The following SH3TC2 variants were observed in gnomAD, a reference collection of about 807,000 sequenced individuals.
SH3TC2 encodes the protein SH3 domain and tetratricopeptide repeat-containing protein 2.
SH3TC2 carries 87 observed loss-of-function variants against 124.5 expected under a neutral mutation model. That is an observed-to-expected ratio of 0.70 (90% CI 0.59 to 0.84). The LOEUF is 0.84. Among genes scored for constraint, SH3TC2 ranks in the 40% least tolerant of loss-of-function variants. The probability of loss-of-function intolerance (pLI) is 0.00; values close to 1 mark genes in which losing one functional copy is unlikely to be tolerated. For missense variants in SH3TC2, 1,536 were observed against 1,566.4 expected, an observed-to-expected ratio of 0.98 and a Z score of 0.33; for synonymous variants, 634 against 628.5, an observed-to-expected ratio of 1.01 and a Z score of -0.13.
At position 148,990,008 on chromosome 5, in the gene SH3TC2, G is replaced by A. The variant is rs1378727870; in HGVS notation, c.*14703C>T. Among the ~76,000 whole-genome samples the A allele has an allele frequency of 6.6e-6, 1 of 152,012 alleles. No homozygotes were observed. Among genetic ancestry groups the A allele is most frequent in the Admixed American group, 6.6e-5 (1 of 15,252 alleles). ...GGGGTGGGGGCTGCTTCTTTTCTAG[G>A]AGTCATTTCCAAGCAACCTCTCCTC... On this transcript the variant is annotated 3_prime_UTR_variant, in exon 17 of 17. Coordinates refer to ENST00000515425, the MANE Select transcript of SH3TC2 (RefSeq NM_024577.4).
At position 148,990,857 on chromosome 5, in the gene SH3TC2, C is replaced by A. The variant is rs571540820; in HGVS notation, c.*13854G>T. ...GTTAAGTATTCTAAGTACATTATCTCTTTTAATTTTCACAGCAATTCTATA... is the reference window on the plus strand; with the variant it reads ...GTTAAGTATTCTAAGTACATTATCTATTTTAATTTTCACAGCAATTCTATA... On this transcript the variant is annotated 3_prime_UTR_variant, in exon 17 of 17. Coordinates refer to ENST00000515425, the MANE Select transcript of SH3TC2 (RefSeq NM_024577.4). Among the ~76,000 whole-genome samples, 1 of 152,204 alleles carries A rather than the reference C, an allele frequency of 6.6e-6. No individual in the cohort carries two copies. Among genetic ancestry groups the A allele is most frequent in the Non-Finnish European group, 1.5e-5 (1 of 68,042 alleles).
In SH3TC2 at chr5:149,002,242, A is replaced by G. The variant is rs1178940060; in HGVS notation, c.*2469T>C. ...AGGGCTGTGTGAGCCTTCTTCAAAT[A>G]CACGATATGTAACTGTTCTGGAATG... On this transcript the variant is annotated 3_prime_UTR_variant, in exon 17 of 17. Transcript: ENST00000515425. 2 of 152,696 alleles carry G rather than the reference A, an allele frequency of 1.3e-5. No individual in the cohort carries two copies. The highest frequency in any genetic ancestry group is 4.8e-5 in the African/African-American group (2 of 41,438). 9.5% of individuals were successfully genotyped at this position (152,696 alleles called of 1,614,324 possible).
intron 12 of SH3TC2, among the ~76,000 whole-genome samples, chr5:149,023,981 C>T (rs1754022084): frequency 6.6e-6 from 1 of 152,044 alleles, no homozygotes; most frequent in Non-Finnish European, 1.5e-5. Flanking sequence ...GAGGAGAATC[C>T]TTAAGAAAAG....
Position 148,992,600 on chromosome 5 carries a change from G to GT in SH3TC2, c.*12110dup, listed in dbSNP as rs35182601. Reference sequence around the variant, plus strand: ...ATAATTCCAAGAAGAGATTTCATTGGTTTTTTTTTTTTTTTTTTTTTTCAG... The same window carrying GT: ...ATAATTCCAAGAAGAGATTTCATTGGTTTTTTTTTTTTTTTTTTTTTTTCAG... On this transcript the variant is annotated 3_prime_UTR_variant, in exon 17 of 17. Transcript: ENST00000515425. 0.25 allele frequency among the ~76,000 whole-genome samples: 25,765 copies of GT among 101,906 alleles called. 3,379 individuals are homozygous for GT. The highest frequency in any genetic ancestry group is 0.32 in the East Asian group (915 of 2,842). The allele number at this position is 101,906 out of a possible 152,430, so 66.9% of individuals were successfully genotyped here.
intron 8 of SH3TC2, among the ~76,000 whole-genome samples, chr5:149,033,858 G>C (rs1266318623): frequency 1.3e-5 from 2 of 152,074 alleles, no homozygotes; most frequent in Non-Finnish European, 1.5e-5. Flanking sequence ...ACTCCCTAAG[G>C]TTCCAGGAGA....
In SH3TC2 at chr5:149,021,882, T is replaced by C. The variant is rs1753977539; in HGVS notation, c.3053+4690A>G. Among the ~76,000 whole-genome samples, 4 of 55,300 alleles carry C rather than the reference T, an allele frequency of 7.2e-5. 1 individual carries two copies. Among genetic ancestry groups the C allele is most frequent in the Admixed American group, 2.3e-4 (1 of 4,314 alleles). 36.3% of individuals were successfully genotyped at this position (55,300 alleles called of 152,430 possible). On this transcript the variant is annotated intron_variant, in intron 12 of 16. Coordinates refer to ENST00000515425, the MANE Select transcript of SH3TC2 (RefSeq NM_024577.4). Reference sequence around the variant, plus strand: ...TTAACACCAATCCTTCACAAACTCTTTCTTTTTTTTTTTTTTTTTTTTTTT... The same window carrying C: ...TTAACACCAATCCTTCACAAACTCTCTCTTTTTTTTTTTTTTTTTTTTTTT...
chr5:149,031,804 C>A, intron 8 of SH3TC2, 117 bp from the exon 9 acceptor site: 1 of 1,386,348 alleles, frequency 7.2e-7, no homozygotes, highest in East Asian at 2.3e-5. Flanking sequence ...ACCAACTTCC[C>A]GCAAATGAAA....
rs369828766 is a variant in SH3TC2, at chr5:148,992,898, A to G, written c.*11813T>C. The stretch of plus-strand genomic sequence containing the variant: ...TTTGGGTATGGCTTGGAAAATCATC[A>G]TGCTTCACATATATCATTGACTTTA... On this transcript the variant is annotated 3_prime_UTR_variant, in exon 17 of 17. Coordinates refer to ENST00000515425, the MANE Select transcript of SH3TC2 (RefSeq NM_024577.4). Among the ~76,000 whole-genome samples the G allele has an allele frequency of 6.9e-4, 105 of 152,274 alleles. 1 individual carries two copies. The East Asian group carries it at 0.02, about 29-fold the overall frequency.
At chr5:149,056,135 G>C (rs980080924) in intron 1 of SH3TC2, among the ~76,000 whole-genome samples, 1 of 151,414 alleles carries the variant, frequency 6.6e-6, no homozygotes, top group African/African-American at 2.4e-5. Context: ...TTTAGGTTTC[G>C]GGGTACATGT....
intron 7 of SH3TC2, 36 bp from the exon 8 acceptor site, chr5:149,038,526 C>A: frequency 6.2e-7 from 1 of 1,606,668 alleles, no homozygotes; most frequent in Non-Finnish European, 8.5e-7. Context: ...CTACAGAAGA[C>A]ATGAACAGCT....
chr5:149,016,640 C>G (rs1046513901), intron 12 of SH3TC2, among the ~76,000 whole-genome samples: 3 of 152,114 alleles, frequency 2.0e-5, no homozygotes, highest in Non-Finnish European at 4.4e-5. Context: ...GAATAAAAGC[C>G]AGACGGCTGG....
chr5:149,027,737 G>A lies in SH3TC2; in HGVS notation c.1995C>T (p.His665=), dbSNP rs751912297. The A allele has an allele frequency of 4.3e-6, 7 of 1,614,002 alleles. No homozygotes were observed. The highest frequency in any genetic ancestry group is 5.9e-6 in the Non-Finnish European group (7 of 1,179,938). ...TGGCCACAGCCTCAGAGGCAGGAGG[G>A]TGTCCAGAGAGGAGCTGCAGGCGCT... ...FAERLQLLSG[H]PPASEAVASV... The change falls in exon 11 of 17, where the codon CAC becomes CAT. Residue 665 remains histidine (H), a synonymous_variant. Coordinates refer to ENST00000515425, the MANE Select transcript of SH3TC2 (RefSeq NM_024577.4).
chr5:149,012,447 C>T, intron 13 of SH3TC2, 137 bp downstream of exon 13: 1 of 1,145,196 alleles, frequency 8.7e-7, no homozygotes, highest in Non-Finnish European at 1.3e-6. Context: ...AGGGAGCAGC[C>T]CAGTGTTGAC....
chr5:149,009,503 A>G (rs1384464443), intron 14 of SH3TC2, among the ~76,000 whole-genome samples: 1 of 152,246 alleles, frequency 6.6e-6, no homozygotes, highest in Non-Finnish European at 1.5e-5. Flanking sequence ...CAACAGTCAG[A>G]GACGCGTTCC....
rs1753607018 is a variant in SH3TC2 at position 149,002,075 on chromosome 5, T to TAAAATA, written c.*2635_*2636insTATTTT. On this transcript the variant is annotated 3_prime_UTR_variant, in exon 17 of 17. Transcript: ENST00000515425. Reference sequence around the variant, plus strand: ...TGTACTCTTCACCCACCGGCCAATATCAAAAGCCTCATGCAGTTGTGGGAA... The same window carrying TAAAATA: ...TGTACTCTTCACCCACCGGCCAATATAAAATACAAAAGCCTCATGCAGTTGTGGGAA... The TAAAATA allele has an allele frequency of 6.6e-6, 1 of 152,564 alleles. No individual in the cohort carries two copies. The highest frequency in any genetic ancestry group is 6.5e-5 in the Admixed American group (1 of 15,274). 9.5% of individuals were successfully genotyped at this position (152,564 alleles called of 1,614,324 possible).
Position 149,008,124 on chromosome 5 carries a change from G to A in SH3TC2, c.3478+727C>T, listed in dbSNP as rs77006256. 8.3e-3 allele frequency: 1,281 copies of A among 153,424 alleles called. 9 individuals carry two copies. Among genetic ancestry groups the A allele is most frequent in the Non-Finnish European group, 0.013 (865 of 68,878 alleles). The allele number at this position is 153,424 out of a possible 1,614,324, so 9.5% of individuals were successfully genotyped here. A position where few individuals can be genotyped will look rare whatever the true frequency, so the allele number is the denominator to read the frequency against. The stretch of plus-strand genomic sequence containing the variant: ...ATAAAGTCCGGTATCATCCACACCC[G>A]ATGCCCTTGAAAATGCCCAGAAGAC... On this transcript the variant is annotated intron_variant, in intron 15 of 16. Coordinates refer to ENST00000515425, the MANE Select transcript of SH3TC2 (RefSeq NM_024577.4).
At chr5:149,006,815 CTT>C (rs1166962800) in intron 16 of SH3TC2, 64 bp downstream of exon 16, 29 of 1,522,488 alleles carry the variant, frequency 1.9e-5, no homozygotes, top group Non-Finnish European at 2.5e-5. Flanking sequence ...TCCTCATTGT[CTT>C]TGAGTCAGGA....
In SH3TC2 at chr5:149,012,640, C is replaced by T; in HGVS notation, c.3148G>A (p.Ala1050Thr). 1 of 1,614,190 alleles carries T rather than the reference C, an allele frequency of 6.2e-7. No individual in the cohort carries two copies. Among genetic ancestry groups the T allele is most frequent in the African/African-American group, 1.3e-5 (1 of 75,042 alleles). The change falls in exon 13 of 17, where the codon GCG becomes ACG. Residue 1050 changes from alanine (A) to threonine (T), a missense_variant. Physicochemically the swap from Ala to Thr is moderately conservative, Grantham distance 58. This residue lies in a region of SH3TC2 where 426 missense variants were observed against 443.5 expected (regional missense o/e 0.96). Transcript: ENST00000515425. ...TDKAAEAWLG[A>T]GRLHYLMQED... Reference sequence around the variant, plus strand: ...TGCATGAGGTAGTGGAGTCGCCCCGCCCCAAGCCAGGCCTCAGCAGCCTTG... The same window carrying T: ...TGCATGAGGTAGTGGAGTCGCCCCGTCCCAAGCCAGGCCTCAGCAGCCTTG...
At chr5:149,056,653 C>T (rs945037715) in intron 1 of SH3TC2, among the ~76,000 whole-genome samples, 1 of 152,132 alleles carries the variant, frequency 6.6e-6, no homozygotes, top group African/African-American at 2.4e-5. Flanking sequence ...CAAGCCAATT[C>T]ACCAGAGGCC....
Sources: allele counts gnomAD v4.1 joint callset (sites outside exome capture counted in the v4.1 genomes callset), GRCh38; gene constraint gnomAD v4.1.1; regional missense constraint gnomAD v4.1.1; transcripts MANE v1.5; gene names NCBI Gene and HGNC (gene_info 2026-07-23, HGNC 2026-07-21).